The following NRG1 variants were observed in gnomAD, a reference collection of about 807,000 sequenced individuals.
NRG1 encodes the protein pro-neuregulin-1, membrane-bound isoform.
A neutral mutation model predicts 63.8 loss-of-function variants in NRG1; 18 were observed. That is an observed-to-expected ratio of 0.28 (90% CI 0.19 to 0.42). NRG1 has a LOEUF of 0.42. NRG1 is among the 10% of genes least tolerant of loss of function. The pLI, the probability that NRG1 is intolerant of heterozygous loss-of-function variation, is 1.00. For missense variants in NRG1, 762 were observed against 814.7 expected (o/e 0.94, Z 0.79); for synonymous variants, 302 against 301.3 (o/e 1.00, Z -0.02).
intron 1 of NRG1, among the ~76,000 whole-genome samples, chr8:31,712,746 G>A (rs1196741972): frequency 2.0e-5 from 3 of 151,660 alleles, no homozygotes; most frequent in African/African-American, 2.4e-5. Context: ...CATCTCCTTT[G>A]CTAATGCTCA....
At chr8:31,850,387 C>T (rs1414795620) in intron 1 of NRG1, among the ~76,000 whole-genome samples, 1 of 152,118 alleles carries the variant, frequency 6.6e-6, no homozygotes, top group Non-Finnish European at 1.5e-5. Flanking sequence ...CACTTAGGTT[C>T]CCCCTGTGGT....
chr8:32,618,769 G>A (rs1017448035), intron 5 of NRG1, among the ~76,000 whole-genome samples: 3 of 152,102 alleles, frequency 2.0e-5, no homozygotes, highest in African/African-American at 4.8e-5. Flanking sequence ...AAGGTGCTAC[G>A]TAGTCCAAAA....
chr8:32,036,500 C>G (rs1819081455), intron 1 of NRG1, among the ~76,000 whole-genome samples: 1 of 152,106 alleles, frequency 6.6e-6, no homozygotes, highest in South Asian at 2.1e-4. Context: ...GGGAAGTTCT[C>G]CTGGGTGATA....
intron 5 of NRG1, among the ~76,000 whole-genome samples, chr8:32,714,809 C>T (rs1369982458): frequency 6.6e-6 from 1 of 152,168 alleles, no homozygotes; most frequent in Non-Finnish European, 1.5e-5. Flanking sequence ...CTCACACATA[C>T]ACACACAAGC....
At chr8:31,930,830 A>T (rs1351659358) in intron 1 of NRG1, among the ~76,000 whole-genome samples, 1 of 152,174 alleles carries the variant, frequency 6.6e-6, no homozygotes, top group Admixed American at 6.5e-5. Context: ...CACTATATGA[A>T]TGAAGAATCA....
chr8:31,717,775 G>A (rs954976680), intron 1 of NRG1, among the ~76,000 whole-genome samples: 1 of 152,066 alleles, frequency 6.6e-6, no homozygotes. Flanking sequence ...TTGTAACCTA[G>A]CTGAATGAAA....
At chr8:31,920,205 A>G in intron 1 of NRG1, among the ~76,000 whole-genome samples, 1 of 152,172 alleles carries the variant, frequency 6.6e-6, no homozygotes, top group Admixed American at 6.6e-5. Flanking sequence ...TTATTTGCTT[A>G]GCGTAGATTA....
At chr8:32,247,151 G>GA (rs1848662849) in intron 1 of NRG1, among the ~76,000 whole-genome samples, 1 of 151,826 alleles carries the variant, frequency 6.6e-6, no homozygotes, top group South Asian at 2.1e-4. Flanking sequence ...AAGCTAATTT[G>GA]AAATTAACGA....
chr8:31,659,600 C>T (rs1805772374), intron 1 of NRG1, among the ~76,000 whole-genome samples: 1 of 152,130 alleles, frequency 6.6e-6, no homozygotes, highest in Non-Finnish European at 1.5e-5. Context: ...GGCAGAATGA[C>T]TCTGAAGGGA....
intron 1 of NRG1, among the ~76,000 whole-genome samples, chr8:32,074,517 T>C (rs770146485): frequency 6.6e-6 from 1 of 152,218 alleles, no homozygotes; most frequent in Non-Finnish European, 1.5e-5. Flanking sequence ...TTTCTGTAAA[T>C]GGAACTGTGT....
At chr8:32,092,012 T>C (rs1001641403) in intron 1 of NRG1, among the ~76,000 whole-genome samples, 1 of 152,018 alleles carries the variant, frequency 6.6e-6, no homozygotes, top group African/African-American at 2.4e-5. Context: ...TGAACATATA[T>C]TTTGAAAACA....
chr8:32,318,280 T>G (rs1800991717), intron 1 of NRG1, among the ~76,000 whole-genome samples: 1 of 152,150 alleles, frequency 6.6e-6, no homozygotes, highest in African/African-American at 2.4e-5. Context: ...TTCCTTGAAT[T>G]TCATTATTTT....
At chr8:32,187,311 G>T (rs1203666805) in intron 1 of NRG1, among the ~76,000 whole-genome samples, 12 of 152,162 alleles carry the variant, frequency 7.9e-5, no homozygotes, top group African/African-American at 2.9e-4. Context: ...CCATGGCGTA[G>T]TTCTTTGGGG....
intron 1 of NRG1, among the ~76,000 whole-genome samples, chr8:32,411,241 A>G (rs1425608159): frequency 1.3e-5 from 2 of 152,206 alleles, no homozygotes; most frequent in Admixed American, 1.3e-4. Context: ...CCAAGAGTTC[A>G]TACTTATTCA....
chr8:32,664,879 T>C (rs534284278), intron 5 of NRG1, among the ~76,000 whole-genome samples: 12 of 152,158 alleles, frequency 7.9e-5, no homozygotes, highest in East Asian at 3.8e-4. Context: ...CTCCTAAGTC[T>C]TTATGTATTT....
At chr8:32,535,566 A>T (rs1005634747) in intron 1 of NRG1, among the ~76,000 whole-genome samples, 16 of 152,216 alleles carry the variant, frequency 1.1e-4, no homozygotes, top group Admixed American at 9.2e-4. Flanking sequence ...GACAAGGCTC[A>T]TAAACCTCCT....
intron 11 of NRG1, chr8:32,763,067 A>G (rs1589657440): frequency 1.3e-6 from 1 of 778,022 alleles, no homozygotes; most frequent in East Asian, 2.6e-5. Flanking sequence ...TCTCAGGCTT[A>G]CCTTTGACTG....
chr8:32,085,832 C>T (rs1287930960), intron 1 of NRG1, among the ~76,000 whole-genome samples: 1 of 152,136 alleles, frequency 6.6e-6, no homozygotes, highest in Non-Finnish European at 1.5e-5. Context: ...ATTAGAAGTC[C>T]AGGCCAGAAG....
chr8:32,140,616 C>T (rs190475669), intron 1 of NRG1, among the ~76,000 whole-genome samples: 357 of 152,162 alleles, frequency 2.3e-3, no homozygotes, highest in Middle Eastern at 6.8e-3. Context: ...CATGTGCCAC[C>T]ACATCTGGCT....
Sources: gnomAD v4.1 joint callset for allele counts (sites outside exome capture counted in the v4.1 genomes callset) on GRCh38, gnomAD v4.1.1 for gene constraint, MANE v1.5 for transcripts, NCBI Gene and HGNC (gene_info 2026-07-23, HGNC 2026-07-21) for gene names.